CHI3L1: variants seen among roughly 807,000 people sequenced by gnomAD.
The protein encoded by CHI3L1 is chitinase 3 like 1, also known as chitinase-3-like protein 1.
CHI3L1 carries 30 observed loss-of-function variants against 40.7 expected under a neutral mutation model. The ratio of observed to expected loss-of-function variants is 0.74; its 90% confidence interval spans 0.55 to 1.00. CHI3L1 has a LOEUF of 1.00. Among genes scored for constraint, CHI3L1 ranks in the 50% least tolerant of loss-of-function variants. CHI3L1 has a pLI of 0.00. For synonymous variants in CHI3L1, 210 were observed against 192.1 expected, an observed-to-expected ratio of 1.09 and a Z score of -0.77; for missense variants, 493 against 492.2, an observed-to-expected ratio of 1.00 and a Z score of -0.01.
intron 2 of CHI3L1, among the ~76,000 whole-genome samples, chr1:203,185,646 C>G (rs886905581): frequency 1.3e-5 from 2 of 152,170 alleles, no homozygotes; most frequent in African/African-American, 2.4e-5. Context: ...GCTACAGGCA[C>G]TGTGTGGGGG....
In CHI3L1 at chr1:203,184,561, G is replaced by A. The variant is rs1656015104; in HGVS notation, c.314+15C>T. 6.2e-7 allele frequency: 1 copy of A among 1,609,680 alleles called. No homozygotes were observed. Among genetic ancestry groups the A allele is most frequent in the Non-Finnish European group, 8.5e-7 (1 of 1,176,036 alleles). ...ATCATCCTCTGCCGTCCTGCCCCTG[G>A]GGAGAGGCTCCTACCTTTGAGACCC... On this transcript the variant is annotated intron_variant, in intron 4 of 9. Transcript: ENST00000255409.
rs370957380 is a variant in CHI3L1, at chr1:203,186,671, C to T, written c.-48G>A. On this transcript the variant is annotated 5_prime_UTR_variant, in exon 1 of 10. It adds an upstream start codon to the 5' untranslated region. Transcript: ENST00000255409. ...AGGGTGTGGCCTCTTCCCTTGCCCA[C>T]GGCTCCTGGTGCCAGCTACCTAGAC... 3.5e-4 allele frequency: 558 copies of T among 1,612,606 alleles called. No individual in the cohort carries two copies. The highest frequency in any genetic ancestry group is 4.1e-4 in the Non-Finnish European group (482 of 1,179,060).
intron 6 of CHI3L1, chr1:203,181,628 T>C (rs7551263): frequency 0.26 from 48,679 of 190,700 alleles, 8,557 homozygotes; most frequent in African/African-American, 0.5. Flanking sequence ...AAAGAAAAGC[T>C]TTTGGGCTCC....
chr1:203,186,131 G>C (rs563607738), intron 2 of CHI3L1, among the ~76,000 whole-genome samples, 185 bp downstream of exon 2: 3 of 152,266 alleles, frequency 2.0e-5, no homozygotes, highest in African/African-American at 7.2e-5. Flanking sequence ...ATATACCAAA[G>C]AGTATAGCAA....
chr1:203,183,751 A>G lies in CHI3L1; in HGVS notation c.355T>C (p.Phe119Leu). 1 of 1,614,162 alleles carries G rather than the reference A, an allele frequency of 6.2e-7. No individual in the cohort carries two copies. ...AGAAATGGCGGTACTGACTTGATGA[A>G]AGTCCGGCGACTCTGGGTGTTGGAG... The part of the protein sequence containing the change: ...IASNTQSRRT[F>L]IKSVPPFLRT... The change falls in exon 5 of 10, where the codon TTC (phenylalanine) becomes CTC (leucine). Residue 119 changes from phenylalanine to leucine, a missense_variant. Phe to Leu is a conservative substitution (Grantham distance 22). Coordinates refer to ENST00000255409, the MANE Select transcript of CHI3L1 (RefSeq NM_001276.4).
At chr1:203,180,012 C>T (rs1182705977) in intron 8 of CHI3L1, 135 bp from the exon 9 acceptor site, 7 of 754,732 alleles carry the variant, frequency 9.3e-6, no homozygotes, top group Non-Finnish European at 2.2e-6. Flanking sequence ...GGTCTGCAGG[C>T]TGCATGCATC....
Position 203,185,262 on chromosome 1 carries a change from T to C in CHI3L1, c.179A>G (p.Asn60Ser), listed in dbSNP as rs891866977. 13 of 1,614,188 alleles carry C rather than the reference T, an allele frequency of 8.1e-6. No homozygotes were observed. The highest frequency in any genetic ancestry group is 1.0e-5 in the Non-Finnish European group (12 of 1,180,022). The change falls in exon 3 of 10, where the codon AAT becomes AGT. Residue 60 changes from asparagine to serine, a missense_variant. Coordinates refer to ENST00000255409, the MANE Select transcript of CHI3L1 (RefSeq NM_001276.4). ...GGTGTCGATGTGATCGTTGCTTATATTGGCAAAGCTGTAGATGATGTGGGT... is the reference window on the plus strand; with the variant it reads ...GGTGTCGATGTGATCGTTGCTTATACTGGCAAAGCTGTAGATGATGTGGGT... ...LCTHIIYSFA[N>S]ISNDHIDTWE... is the part of the protein sequence containing the mutation.
rs144493623 is a variant in CHI3L1 at position 203,180,641 on chromosome 1, C to T, written c.723G>A (p.Val241=). 262 of 1,606,082 alleles carry T rather than the reference C, an allele frequency of 1.6e-4. No homozygotes were observed. The African/African-American group carries it at 3.2e-3, about 20-fold the overall frequency. Residue 241 remains valine (V), a synonymous_variant, in exon 8 of 10, where the codon GTG becomes GTA. Transcript: ENST00000255409. ...PDRFSNTDYA[V]GYMLRLGAPA... Reference sequence around the variant, plus strand: ...GAGCCCCCAGCCTCAACATGTACCCCACAGCATAGTCCTGGGTGGGGTAGG... The same window carrying T: ...GAGCCCCCAGCCTCAACATGTACCCTACAGCATAGTCCTGGGTGGGGTAGG...
intron 2 of CHI3L1, 80 bp from the exon 3 acceptor site, chr1:203,185,465 G>A: frequency 8.0e-7 from 1 of 1,244,750 alleles, no homozygotes; most frequent in Non-Finnish European, 1.2e-6. Context: ...GAGCACCAAT[G>A]GGGTGTGGGG....
intron 6 of CHI3L1, 131 bp downstream of exon 6, chr1:203,182,600 C>T: frequency 9.6e-7 from 1 of 1,042,544 alleles, no homozygotes; most frequent in Non-Finnish European, 1.4e-6. Flanking sequence ...GGTCACACAT[C>T]AAGGCTTTGG....
chr1:203,186,444 C>CCCCCCGTT, intron 1 of CHI3L1, 99 bp from the exon 2 acceptor site: 4 of 1,497,720 alleles, frequency 2.7e-6, no homozygotes, highest in Non-Finnish European at 2.7e-6. Flanking sequence ...CCACCCCCAC[C>CCCCCCGTT]TCCTGGTTGC....
chr1:203,184,488 AC>A, intron 4 of CHI3L1, 87 bp downstream of exon 4: 1 of 1,055,412 alleles, frequency 9.5e-7, no homozygotes, highest in South Asian at 1.3e-5. Flanking sequence ...AGCCCCTGGA[AC>A]ATCCATACAG....
intron 6 of CHI3L1, chr1:203,181,989 G>GT (rs1338886754): frequency 2.6e-5 from 4 of 152,388 alleles, no homozygotes; most frequent in African/African-American, 7.2e-5. Context: ...GTGGGAGGAG[G>GT]TTTTGCACAC....
At chr1:203,184,797 T>G (rs1010204489) in intron 3 of CHI3L1, among the ~76,000 whole-genome samples, 165 bp from the exon 4 acceptor site, 4 of 152,114 alleles carry the variant, frequency 2.6e-5, no homozygotes, top group African/African-American at 9.7e-5. Context: ...CCATAGAGAT[T>G]CATAGTGGTG....
chr1:203,185,566 T>G (rs904600438), intron 2 of CHI3L1, among the ~76,000 whole-genome samples, 181 bp from the exon 3 acceptor site: 18 of 152,028 alleles, frequency 1.2e-4, no homozygotes, highest in African/African-American at 3.9e-4. Flanking sequence ...CTCTGGGGAG[T>G]TCCCTGACTG....
intron 6 of CHI3L1, chr1:203,181,703 G>T (rs55700740): frequency 0.43 from 72,591 of 169,898 alleles, 17,113 homozygotes; most frequent in Non-Finnish European, 0.53. Flanking sequence ...CCACTAGCCC[G>T]AACCCCAGCA....
chr1:203,185,414 G>A, intron 2 of CHI3L1, 29 bp from the exon 3 acceptor site: 1 of 1,607,538 alleles, frequency 6.2e-7, no homozygotes, highest in South Asian at 1.1e-5. Flanking sequence ...ATGGGGCCCG[G>A]GCCAGGATTC....
chr1:203,185,934 G>A (rs1238674605), intron 2 of CHI3L1, among the ~76,000 whole-genome samples: 4 of 152,086 alleles, frequency 2.6e-5, no homozygotes, highest in Non-Finnish European at 5.9e-5. Context: ...CCAGGCTGGG[G>A]CACAATATCA....
chr1:203,186,389 C>T, intron 1 of CHI3L1, 44 bp from the exon 2 acceptor site: 2 of 1,572,508 alleles, frequency 1.3e-6, no homozygotes, highest in Non-Finnish European at 1.7e-6. Context: ...TGCATCCTGC[C>T]CTTCCGCCCT....
Sources: gnomAD v4.1 joint callset for allele counts (sites outside exome capture counted in the v4.1 genomes callset) on GRCh38, gnomAD v4.1.1 for gene constraint, MANE v1.5 for transcripts, NCBI Gene and HGNC (gene_info 2026-07-23, HGNC 2026-07-21) for gene names.